The following CASP4 variants were observed in gnomAD, a reference collection of about 807,000 sequenced individuals.
CASP4 encodes caspase 4, also known as caspase-4.
CASP4 carries 29 observed loss-of-function variants against 41.3 expected under a neutral mutation model. The ratio of observed to expected loss-of-function variants is 0.70; its 90% confidence interval spans 0.52 to 0.96. CASP4 has a LOEUF of 0.96. Among genes scored for constraint, CASP4 ranks in the 40% least tolerant of loss-of-function variants. The pLI is 0.00. For missense variants in CASP4, 447 were observed against 460.6 expected, an observed-to-expected ratio of 0.97 and a Z score of 0.27; for synonymous variants, 185 against 158.4, an observed-to-expected ratio of 1.17 and a Z score of -1.26.
At chr11:104,959,347 C>A (rs992462876) in intron 1 of CASP4, among the ~76,000 whole-genome samples, 4 of 152,162 alleles carry the variant, frequency 2.6e-5, no homozygotes, top group South Asian at 4.1e-4. Flanking sequence ...CACCAAAACA[C>A]AAAATATCAC....
At chr11:104,957,332 C>T (rs1347105743) in intron 1 of CASP4, among the ~76,000 whole-genome samples, 1 of 151,950 alleles carries the variant, frequency 6.6e-6, no homozygotes, top group Non-Finnish European at 1.5e-5. Flanking sequence ...ATCAATTTAA[C>T]CGAGTAGGTA....
At chr11:104,949,059 T>G (rs1051954604) in intron 5 of CASP4, 61 of 218,946 alleles carry the variant, frequency 2.8e-4, no homozygotes, top group African/African-American at 1.1e-3. Context: ...CAGCCAGCCA[T>G]GAGGCAATTG....
At position 104,950,649 on chromosome 11, in the gene CASP4, C is replaced by T. The variant is rs530399466; in HGVS notation, c.546+276G>A. ...TACTCTACAATTTTCTGGGGATTTT[C>T]GGGGCTGCATCCCAATCACATGATT... On this transcript the variant is annotated intron_variant, in intron 4 of 8. Transcript: ENST00000444739. 2.2e-3 allele frequency among the ~76,000 whole-genome samples: 328 copies of T among 152,086 alleles called. 3 individuals carry two copies. The South Asian group carries it at 0.044, about 20-fold the overall frequency.
intron 4 of CASP4, among the ~76,000 whole-genome samples, chr11:104,950,388 T>G (rs1417823655): frequency 6.6e-6 from 1 of 152,152 alleles, no homozygotes; most frequent in Non-Finnish European, 1.5e-5. Context: ...TATTTTCTTT[T>G]TACTTACTTT....
At chr11:104,962,410 T>G (rs934386889) in intron 1 of CASP4, among the ~76,000 whole-genome samples, 2 of 152,296 alleles carry the variant, frequency 1.3e-5, no homozygotes, top group Middle Eastern at 3.4e-3. Flanking sequence ...GAAAAAAGAA[T>G]TTACAAGACT....
At chr11:104,948,414 T>G in intron 6 of CASP4, 119 bp downstream of exon 6, 2 of 1,015,714 alleles carry the variant, frequency 2.0e-6, no homozygotes, top group Non-Finnish European at 2.7e-6. Flanking sequence ...ATGTAAAATA[T>G]GTGGAGAGCA....
At chr11:104,955,895 CAG>C (rs1185985660) in intron 1 of CASP4, among the ~76,000 whole-genome samples, 1 of 152,012 alleles carries the variant, frequency 6.6e-6, no homozygotes, top group Non-Finnish European at 1.5e-5. Flanking sequence ...ATAGTGCTGA[CAG>C]AAAATGACAT....
chr11:104,948,782 A>G (rs1353279890), intron 5 of CASP4, 106 bp from the exon 6 acceptor site: 4 of 907,012 alleles, frequency 4.4e-6, no homozygotes, highest in African/African-American at 1.7e-5. Context: ...AGTTTCATAC[A>G]TACAGACCCA....
intron 1 of CASP4, chr11:104,956,795 TCCAAAC>T: frequency 5.6e-6 from 1 of 177,976 alleles, no homozygotes; most frequent in African/African-American, 2.4e-5. Context: ...GTGTGGGATA[TCCAAAC>T]TACCTGAGTT....
intron 1 of CASP4, among the ~76,000 whole-genome samples, chr11:104,963,617 G>A (rs962217847): frequency 3.3e-5 from 5 of 152,140 alleles, no homozygotes; most frequent in Admixed American, 6.6e-5. Flanking sequence ...TTGGCTCTTC[G>A]CACACTTGGG....
At chr11:104,943,480 G>C (rs537959161) in intron 8 of CASP4, 1 of 155,446 alleles carries the variant, frequency 6.4e-6, no homozygotes, top group South Asian at 2.0e-4. Flanking sequence ...TTCAAGAAAA[G>C]CTTTTGAGTG....
rs1405553519 is a variant in CASP4 at position 104,954,857 on chromosome 11, T to C, written c.152A>G (p.Glu51Gly). 1 of 1,613,894 alleles carries C rather than the reference T, an allele frequency of 6.2e-7. No homozygotes were observed. The highest frequency in any genetic ancestry group is 8.5e-7 in the Non-Finnish European group (1 of 1,179,848). Residue 51 changes from glutamate (E) to glycine (G), a missense_variant, in exon 2 of 9, where the codon GAA (glutamate) becomes GGA (glycine). Glu to Gly is a moderately conservative substitution (Grantham distance 98, BLOSUM62 -2). Transcript: ENST00000444739. The stretch of plus-strand genomic sequence containing the variant: ...GTCTGCCATGACCCGAACTTTGTCT[T>C]CAGTTTTAGCATCGTAATATTTCTT... Reference protein sequence around the residue: ...EKKKYYDAKTEDKVRVMADSM... With the variant: ...EKKKYYDAKTGDKVRVMADSM...
chr11:104,950,822 A>ACACACT, intron 4 of CASP4, 103 bp downstream of exon 4: 3 of 1,022,904 alleles, frequency 2.9e-6, no homozygotes, highest in Non-Finnish European at 4.3e-6. Flanking sequence ...ACACACACAC[A>ACACACT]CCCAAAGGTT....
intron 1 of CASP4, among the ~76,000 whole-genome samples, chr11:104,959,652 AC>A (rs2134653049): frequency 6.6e-6 from 1 of 152,328 alleles, no homozygotes; most frequent in Non-Finnish European, 1.5e-5. Context: ...AACTCAACTT[AC>A]AAAGATGAAC....
Position 104,954,744 on chromosome 11 carries a change from T to C in CASP4, c.262+3A>G. ...ACATTCATTGTAAAAAATCCAGTCT[T>C]ACCTTTTTTATTGGGGGATATTTGG... On this transcript the variant is annotated splice_donor_region_variant and intron_variant, in intron 2 of 8. Coordinates refer to ENST00000444739, the MANE Select transcript of CASP4 (RefSeq NM_001225.4). The C allele has an allele frequency of 1.2e-6, 2 of 1,612,220 alleles. No individual in the cohort carries two copies. The highest frequency in any genetic ancestry group is 1.7e-6 in the Non-Finnish European group (2 of 1,179,180).
intron 7 of CASP4, chr11:104,946,881 T>G (rs180863076): frequency 1.6e-5 from 7 of 451,532 alleles, no homozygotes; most frequent in Middle Eastern, 5.9e-4. Context: ...ATGGTTGATA[T>G]TATTTTATTT....
chr11:104,948,626 C>A lies in CASP4; in HGVS notation c.832G>T (p.Ala278Ser), dbSNP rs1349347777. Residue 278 changes from alanine to serine, a missense_variant, in exon 6 of 9, where the codon GCC (alanine) becomes TCC (serine). Physicochemically the swap from Ala to Ser is moderately conservative, Grantham distance 99. Coordinates refer to ENST00000444739, the MANE Select transcript of CASP4 (RefSeq NM_001225.4). ...VRDSPASLEV[A>S]SSQSSENLEE... is the part of the protein sequence containing the mutation. ...AGGTTCTCAGATGACTGTGAAGAGG[C>A]CACTTCCAAGGATGCTGGAGAGTCT... 1 of 1,610,710 alleles carries A rather than the reference C, an allele frequency of 6.2e-7. No individual in the cohort carries two copies. The highest frequency in any genetic ancestry group is 1.3e-5 in the African/African-American group (1 of 74,960).
intron 1 of CASP4, among the ~76,000 whole-genome samples, chr11:104,965,082 G>A (rs1314613717): frequency 1.3e-5 from 2 of 152,182 alleles, no homozygotes; most frequent in African/African-American, 4.8e-5. Context: ...CCCATTGTTA[G>A]TTTTGTTTGA....
intron 1 of CASP4, among the ~76,000 whole-genome samples, chr11:104,959,970 A>G (rs1049920739): frequency 1.3e-5 from 2 of 152,182 alleles, no homozygotes; most frequent in African/African-American, 4.8e-5. Flanking sequence ...TACTCTTTGC[A>G]ACGAAGAGTG....
Sources: gnomAD v4.1 joint callset for allele counts (sites outside exome capture counted in the v4.1 genomes callset) on GRCh38, gnomAD v4.1.1 for gene constraint, MANE v1.5 for transcripts, NCBI Gene and HGNC (gene_info 2026-07-23, HGNC 2026-07-21) for gene names.